The following C8B variants were observed in gnomAD, a reference collection of about 807,000 sequenced individuals.
C8B encodes the protein complement component C8 beta chain.
C8B carries 67 observed loss-of-function variants against 64.6 expected under a neutral mutation model. The observed-to-expected ratio is 1.04, with a 90% CI of 0.85 to 1.27. The LOEUF (loss-of-function observed/expected upper bound fraction) is 1.27. Among genes scored for constraint, C8B ranks in the 50% most tolerant of loss-of-function variants. C8B has a pLI of 0.00. For missense variants in C8B, 790 were observed against 725.2 expected, an observed-to-expected ratio of 1.09 and a Z score of -1.03; for synonymous variants, 284 against 257.7, an observed-to-expected ratio of 1.10 and a Z score of -0.98.
At chr1:56,930,870 G>T (rs1347643087) in intron 11 of C8B, among the ~76,000 whole-genome samples, 1 of 152,036 alleles carries the variant, frequency 6.6e-6, no homozygotes, top group Non-Finnish European at 1.5e-5. Context: ...CATTCCAAAC[G>T]CTTTATATGC....
In C8B at chr1:56,949,772, G is replaced by C. The variant is rs1437395301; in HGVS notation, c.667-20C>G. ...TTGGGTCTAAAGAAGAAAAAAGAAA[G>C]GGTTTTTTATTTCATTTGACTCAAA... On this transcript the variant is annotated intron_variant, in intron 5 of 11. Transcript: ENST00000371237. 6.4e-7 allele frequency: 1 copy of C among 1,568,096 alleles called. No individual in the cohort carries two copies. The highest frequency in any genetic ancestry group is 1.3e-5 in the African/African-American group (1 of 74,120).
chr1:56,958,561 T>C (rs930378033), intron 2 of C8B, among the ~76,000 whole-genome samples: 2 of 151,654 alleles, frequency 1.3e-5, no homozygotes, highest in Non-Finnish European at 1.5e-5. Context: ...GTGTAAGTGG[T>C]GCAGGAAATA....
intron 1 of C8B, among the ~76,000 whole-genome samples, chr1:56,965,101 G>T (rs931572120): frequency 6.6e-6 from 1 of 152,240 alleles, no homozygotes; most frequent in South Asian, 2.1e-4. Flanking sequence ...TCTCATTTTT[G>T]GACTAAGTAA....
intron 9 of C8B, among the ~76,000 whole-genome samples, chr1:56,936,880 A>C (rs1250232839): frequency 6.6e-6 from 1 of 152,116 alleles, no homozygotes; most frequent in Non-Finnish European, 1.5e-5. Context: ...GGTGTGAGCC[A>C]CCACACCTGC....
In C8B at chr1:56,929,360, G is replaced by A. The variant is rs1644661031; in HGVS notation, c.*44C>T. ...GGCTGAGCTGGCATGAGTTCTTGAG[G>A]GCTCAGGGCTCTCATTGTATGTAGC... On this transcript the variant is annotated 3_prime_UTR_variant, in exon 12 of 12. Coordinates refer to ENST00000371237, the MANE Select transcript of C8B (RefSeq NM_000066.4). 1 of 1,606,686 alleles carries A rather than the reference G, an allele frequency of 6.2e-7. No individual in the cohort carries two copies. Among genetic ancestry groups the A allele is most frequent in the Non-Finnish European group, 8.5e-7 (1 of 1,175,080 alleles).
At chr1:56,941,885 C>T (rs1644869430) in intron 8 of C8B, among the ~76,000 whole-genome samples, 1 of 152,218 alleles carries the variant, frequency 6.6e-6, no homozygotes, top group South Asian at 2.1e-4. Flanking sequence ...CTCCACTCAC[C>T]CTACACACCT....
chr1:56,929,376 T>A lies in C8B; in HGVS notation c.*28A>T. 1 of 1,611,024 alleles carries A rather than the reference T, an allele frequency of 6.2e-7. No individual in the cohort carries two copies. The highest frequency in any genetic ancestry group is 8.5e-7 in the Non-Finnish European group (1 of 1,178,952). ...GTTCTTGAGGGCTCAGGGCTCTCAT[T>A]GTATGTAGCCCACTGCTGTATCATC... On this transcript the variant is annotated 3_prime_UTR_variant, in exon 12 of 12. Coordinates refer to ENST00000371237, the MANE Select transcript of C8B (RefSeq NM_000066.4).
chr1:56,933,420 C>T lies in C8B; in HGVS notation c.1467G>A (p.Met489Ile), dbSNP rs770871056. 4 of 1,613,672 alleles carry T rather than the reference C, an allele frequency of 2.5e-6. No homozygotes were observed. Among genetic ancestry groups the T allele is most frequent in the Non-Finnish European group, 3.4e-6 (4 of 1,179,586 alleles). Reference protein sequence around the residue: ...FAYSSTVRQNMKQALEEFQKE... With the variant: ...FAYSSTVRQNIKQALEEFQKE... ...TCTGGAACTCCTCCAGTGCCTGCTT[C>T]ATGTTCTGCCTCACTGTGCTGGAAT... is the stretch of plus-strand genomic sequence containing the variant. The change falls in exon 10 of 12, where the codon ATG (methionine) becomes ATA (isoleucine). Residue 489 changes from methionine to isoleucine, a missense_variant. Coordinates refer to ENST00000371237, the MANE Select transcript of C8B (RefSeq NM_000066.4).
In C8B at chr1:56,960,071, C is replaced by G. The variant is rs1490200229; in HGVS notation, c.198G>C (p.Glu66Asp). ...VDVTLMPIDCELSSWSSWTTC... is the reference protein window; with the variant it reads ...VDVTLMPIDCDLSSWSSWTTC... ...TGGTCCAAGAGGACCAACTAGACAG[C>G]TCACAATCAATGGGCATCAGGGTAA... is the stretch of plus-strand genomic sequence containing the variant. The change falls in exon 2 of 12, where the codon GAG becomes GAC. Residue 66 changes from glutamate to aspartate, a missense_variant. By Grantham distance (45) the Glu-to-Asp change is conservative. Transcript: ENST00000371237. 1.9e-6 allele frequency: 3 copies of G among 1,614,138 alleles called. No individual in the cohort carries two copies. Among genetic ancestry groups the G allele is most frequent in the Non-Finnish European group, 2.5e-6 (3 of 1,180,006 alleles).
chr1:56,952,643 G>C (rs1335932345), intron 4 of C8B, among the ~76,000 whole-genome samples: 2 of 152,186 alleles, frequency 1.3e-5, no homozygotes, highest in Admixed American at 6.5e-5. Context: ...CCTTGCGAGA[G>C]TTGGGTAGCA....
At chr1:56,950,293 A>G (rs659710) in intron 5 of C8B, among the ~76,000 whole-genome samples, 103,103 of 151,928 alleles carry the variant, frequency 0.68, 35,314 homozygotes, top group South Asian at 0.76. Context: ...GGAAAAATTT[A>G]GAGTCAGAGA....
intron 1 of C8B, among the ~76,000 whole-genome samples, chr1:56,961,033 C>A (rs1040912868): frequency 7.9e-5 from 12 of 151,910 alleles, no homozygotes; most frequent in African/African-American, 2.4e-5. Context: ...GTGAAGGATA[C>A]TTATTCTTGG....
Position 56,929,231 on chromosome 1 carries a change from T to C in C8B, c.*173A>G. ...ATGCTTAAGCCTTTAACTCAGTATT[T>C]ATTTAAATCAACTTGCATTTTACAA... On this transcript the variant is annotated 3_prime_UTR_variant, in exon 12 of 12. Coordinates refer to ENST00000371237, the MANE Select transcript of C8B (RefSeq NM_000066.4). The C allele has an allele frequency of 2.9e-6, 2 of 685,890 alleles. No individual in the cohort carries two copies. Among genetic ancestry groups the C allele is most frequent in the Admixed American group, 4.4e-5 (2 of 45,198 alleles). The allele number at this position is 685,890 out of a possible 1,614,324, so 42.5% of individuals were successfully genotyped here.
chr1:56,935,063 C>A (rs2101364526), intron 9 of C8B, among the ~76,000 whole-genome samples: 1 of 152,294 alleles, frequency 6.6e-6, no homozygotes, highest in East Asian at 1.9e-4. Flanking sequence ...TTATCAGCCC[C>A]ATTTTCAGGT....
At chr1:56,932,551 C>T (rs1309886622) in intron 10 of C8B, among the ~76,000 whole-genome samples, 2 of 152,114 alleles carry the variant, frequency 1.3e-5, no homozygotes, top group African/African-American at 4.8e-5. Context: ...GATGAGCTGA[C>T]CCCACTTGCT....
At chr1:56,950,015 C>T (rs917919539) in intron 5 of C8B, among the ~76,000 whole-genome samples, 1 of 152,118 alleles carries the variant, frequency 6.6e-6, no homozygotes, top group Non-Finnish European at 1.5e-5. Context: ...GGGGAACATT[C>T]TGGGCTGTGG....
At chr1:56,950,879 G>T (rs1440484644) in intron 5 of C8B, among the ~76,000 whole-genome samples, 1 of 152,194 alleles carries the variant, frequency 6.6e-6, no homozygotes, top group Non-Finnish European at 1.5e-5. Context: ...TGTATGTCCT[G>T]CCTGAGTTAG....
In C8B at chr1:56,952,118, C is replaced by T; in HGVS notation, c.596G>A (p.Gly199Glu). Reference sequence around the variant, plus strand: ...GTTCAGGATGTAATGCGGGGAGCATCCACCTGCATAATACCTGTGATCAAG... The same window carrying T: ...GTTCAGGATGTAATGCGGGGAGCATTCACCTGCATAATACCTGTGATCAAG... The part of the protein sequence containing the change: ...PVLDHRYYAG[G>E]CSPHYILNTR... The change falls in exon 5 of 12, where the codon GGA (glycine) becomes GAA (glutamate). Residue 199 changes from glycine (G) to glutamate (E), a missense_variant. Coordinates refer to ENST00000371237, the MANE Select transcript of C8B (RefSeq NM_000066.4). The T allele has an allele frequency of 1.2e-6, 2 of 1,614,160 alleles. No individual in the cohort carries two copies. Among genetic ancestry groups the T allele is most frequent in the Non-Finnish European group, 8.5e-7 (1 of 1,180,020 alleles).
chr1:56,959,618 G>A (rs1406645004), intron 2 of C8B: 1 of 1,535,502 alleles, frequency 6.5e-7, no homozygotes, highest in Non-Finnish European at 8.7e-7. Context: ...GCTAGATTCG[G>A]TCACAGGGAT....
Sources: gnomAD v4.1 joint callset for allele counts (sites outside exome capture counted in the v4.1 genomes callset) on GRCh38, gnomAD v4.1.1 for gene constraint, MANE v1.5 for transcripts, NCBI Gene and HGNC (gene_info 2026-07-23, HGNC 2026-07-21) for gene names.